GARS1: variants seen among roughly 807,000 people sequenced by gnomAD.
GARS1 encodes the protein glycyl-tRNA synthetase 1.
In GARS1, 46 loss-of-function variants were observed where a neutral mutation model predicts 86.4. That is an observed-to-expected ratio of 0.53 (90% CI 0.42 to 0.68). The LOEUF (loss-of-function observed/expected upper bound fraction) is 0.68, where lower values mean the gene tolerates loss of function less well. Among genes scored for constraint, GARS1 ranks in the 30% least tolerant of loss-of-function variants. The pLI is 0.00. For synonymous variants in GARS1, 342 were observed against 329.8 expected (o/e 1.04, Z -0.40); for missense variants, 797 against 915.6 (o/e 0.87, Z 1.67).
chr7:30,613,771 GT>G (rs972597553), intron 8 of GARS1, among the ~76,000 whole-genome samples: 96 of 152,326 alleles, frequency 6.3e-4, no homozygotes, highest in African/African-American at 2.1e-3. Context: ...AAGTCCACTA[GT>G]TTTTTCATGA....
At chr7:30,616,619 G>T (rs1186585685) in intron 9 of GARS1, among the ~76,000 whole-genome samples, 1 of 152,194 alleles carries the variant, frequency 6.6e-6, no homozygotes, top group Admixed American at 6.5e-5. Flanking sequence ...TTGCAGAGAA[G>T]ACCTCTGCAG....
intron 12 of GARS1, among the ~76,000 whole-genome samples, chr7:30,622,840 G>A (rs923973569): frequency 4.6e-5 from 7 of 151,920 alleles, no homozygotes; most frequent in African/African-American, 1.7e-4. Context: ...GTGGCTCATG[G>A]CTGTAATCCC....
At chr7:30,622,066 T>C (rs1171562008) in intron 11 of GARS1, 1 of 507,824 alleles carries the variant, frequency 2.0e-6, no homozygotes, top group East Asian at 3.7e-5. Flanking sequence ...GGGTCATTGC[T>C]GATTAGATAA....
At chr7:30,599,691 C>T (rs1206337875) in intron 2 of GARS1, among the ~76,000 whole-genome samples, 1 of 152,174 alleles carries the variant, frequency 6.6e-6, no homozygotes, top group Non-Finnish European at 1.5e-5. Context: ...GTGTGAGCCA[C>T]CGCACCTGGT....
intron 6 of GARS1, among the ~76,000 whole-genome samples, chr7:30,608,601 G>C (rs2128133625): frequency 6.6e-6 from 1 of 152,274 alleles, no homozygotes; most frequent in Non-Finnish European, 1.5e-5. Flanking sequence ...AGTGTGAGTG[G>C]GTTGCCTTTT....
chr7:30,626,431 TGCCTCCC>T, intron 13 of GARS1, 112 bp downstream of exon 13: 1 of 711,898 alleles, frequency 1.4e-6, no homozygotes. Flanking sequence ...GCACAACCTC[TGCCTCCC>T]CGGCTCAAGC....
At chr7:30,617,388 A>G in intron 10 of GARS1, 110 bp downstream of exon 10, 1 of 1,302,838 alleles carries the variant, frequency 7.7e-7, no homozygotes, top group Non-Finnish European at 1.1e-6. Flanking sequence ...GGGAAAAGAA[A>G]AGAGATCTTT....
At chr7:30,598,377 CTTTTTTTTTTT>C (rs1174085518) in intron 1 of GARS1, among the ~76,000 whole-genome samples, 5 of 99,612 alleles carry the variant, frequency 5.0e-5, no homozygotes, top group Admixed American at 1.2e-4. Flanking sequence ...TTGCATCATT[CTTTTTTTTTTT>C]TTTTTTTTTT....
chr7:30,621,419 TG>T lies in GARS1; in HGVS notation c.1387del (p.Asp463IlefsTer19). On this transcript the variant is annotated frameshift_variant, in exon 11 of 17. Coordinates refer to ENST00000389266, the MANE Select transcript of GARS1 (RefSeq NM_002047.4). LOFTEE classifies it high-confidence loss of function. ...GTTGGATTGAGATTGTTGGATGTGC[TG>T]ATCGTTCCTGTTATGACCTCTCCTG... Reference protein sequence around the residue: ...YGWIEIVGCADRSCYDLSCHA... With the variant: ...YGWIEIVGCAXRSCYDLSCHA... 1.2e-6 allele frequency: 2 copies of T among 1,614,196 alleles called. No individual in the cohort carries two copies. Among genetic ancestry groups the T allele is most frequent in the Non-Finnish European group, 1.7e-6 (2 of 1,180,006 alleles).
chr7:30,607,913 C>A (rs527552515), intron 6 of GARS1, among the ~76,000 whole-genome samples: 2 of 152,150 alleles, frequency 1.3e-5, no homozygotes, highest in Non-Finnish European at 2.9e-5. Context: ...TGTATGCCCT[C>A]CTTTCTAGAT....
intron 12 of GARS1, among the ~76,000 whole-genome samples, chr7:30,623,492 G>A (rs1380463531): frequency 6.6e-6 from 1 of 152,194 alleles, no homozygotes; most frequent in Non-Finnish European, 1.5e-5. Flanking sequence ...GGGATTAACA[G>A]TAGATTAAAC....
upstream of GARS1, chr7:30,594,754 GT>G (rs1791198279): frequency 1.6e-6 from 1 of 618,320 alleles, no homozygotes; most frequent in Non-Finnish European, 2.8e-6. Flanking sequence ...GTCCTTCCGG[GT>G]TTTGTGTCGA....
At chr7:30,625,509 CTGAA>C (rs1783112323) in intron 12 of GARS1, among the ~76,000 whole-genome samples, 1 of 152,152 alleles carries the variant, frequency 6.6e-6, no homozygotes. Context: ...TATCCTAGCA[CTGAA>C]TTGCTTGGGA....
chr7:30,605,838 A>G (rs766734537), intron 6 of GARS1, among the ~76,000 whole-genome samples: 3 of 152,184 alleles, frequency 2.0e-5, no homozygotes, highest in Non-Finnish European at 4.4e-5. Context: ...TAATATCATC[A>G]AATATTTGAT....
intron 6 of GARS1, among the ~76,000 whole-genome samples, chr7:30,604,876 T>A (rs1791451602): frequency 6.6e-6 from 1 of 152,238 alleles, no homozygotes; most frequent in East Asian, 1.9e-4. Context: ...GTGTATATGT[T>A]TTTGATCTTA....
chr7:30,603,569 C>T lies in GARS1; in HGVS notation c.732C>T (p.Ala244=). 6.2e-7 allele frequency: 1 copy of T among 1,611,434 alleles called. No homozygotes were observed. The highest frequency in any genetic ancestry group is 8.5e-7 in the Non-Finnish European group (1 of 1,177,944). ...AATCAGAAATGGAAAGTGTTTTGGC[C>T]CAGGTGAGTACTCTAGAGATGTTAT... is the stretch of plus-strand genomic sequence containing the variant. ...EKKSEMESVL[A]QLDNYGQQEL... is the part of the protein sequence containing the mutation. The change falls in exon 6 of 17, where the codon GCC becomes GCT. Residue 244 remains alanine, a synonymous_variant. Transcript: ENST00000389266.
At position 30,633,859 on chromosome 7, in the gene GARS1, G is replaced by A. The variant is rs905239894; in HGVS notation, c.2219G>A (p.Ter740=). Residue 740 remains the stop codon, a stop_retained_variant, in exon 17 of 17, where the codon TGA becomes TAA. Coordinates refer to ENST00000389266, the MANE Select transcript of GARS1 (RefSeq NM_002047.4). ...GGTAAAAAAGAGACAATCGAGGAAT[G>A]AGGACAATTTTGACAACTTTTGACC... ...ETGKKETIEE[*] is the part of the protein sequence containing the mutation. 10 of 1,535,696 alleles carry A rather than the reference G, an allele frequency of 6.5e-6. No homozygotes were observed. The highest frequency in any genetic ancestry group is 7.1e-6 in the Non-Finnish European group (8 of 1,132,730).
In GARS1 at chr7:30,594,930, T is replaced by C. The variant is rs1252690106; in HGVS notation, c.9T>C (p.Ser3=). 6.3e-7 allele frequency: 1 copy of C among 1,589,818 alleles called. No homozygotes were observed. The highest frequency in any genetic ancestry group is 2.3e-5 in the East Asian group (1 of 44,440). Residue 3 remains serine, a synonymous_variant, in exon 1 of 17, where the codon TCT becomes TCC. Transcript: ENST00000389266. ...CCCAGGGCCGCAGGCTCATGCCCTC[T>C]CCGCGTCCAGTGCTGCTTAGAGGTG... The part of the protein sequence containing the change: MP[S]PRPVLLRGAR...
At chr7:30,614,965 CTG>C (rs1224659258) in intron 8 of GARS1, among the ~76,000 whole-genome samples, 1 of 151,902 alleles carries the variant, frequency 6.6e-6, no homozygotes, top group Non-Finnish European at 1.5e-5. Context: ...CGTAAAACAT[CTG>C]AGATAATCAT....
Sources: allele counts gnomAD v4.1 joint callset (sites outside exome capture counted in the v4.1 genomes callset), GRCh38; gene constraint gnomAD v4.1.1; transcripts MANE v1.5; gene names NCBI Gene and HGNC (gene_info 2026-07-23, HGNC 2026-07-21).